The following VWA8 variants were observed in gnomAD, a reference collection of about 807,000 sequenced individuals.
VWA8 encodes the protein von Willebrand factor A domain-containing protein 8.
Under a neutral mutation model 241.5 loss-of-function variants are expected in VWA8, and 221 were observed. That is an observed-to-expected ratio of 0.91 (90% CI 0.82 to 1.02). VWA8 has a LOEUF of 1.02. Among genes scored for constraint, VWA8 ranks in the 50% least tolerant of loss-of-function variants. The pLI is 0.00. For missense variants in VWA8, 2,322 were observed against 2,328.7 expected, an observed-to-expected ratio of 1.00 and a Z score of 0.06; for synonymous variants, 852 against 827.1, an observed-to-expected ratio of 1.03 and a Z score of -0.52.
chr13:41,722,115 T>C (rs758918590), intron 24 of VWA8, among the ~76,000 whole-genome samples: 3 of 152,218 alleles, frequency 2.0e-5, no homozygotes, highest in Non-Finnish European at 4.4e-5. Flanking sequence ...TAAATGCTTC[T>C]TTATGTACTA....
intron 37 of VWA8, among the ~76,000 whole-genome samples, chr13:41,618,571 T>C (rs148193390): frequency 0.033 from 4,961 of 152,296 alleles, 273 homozygotes; most frequent in African/African-American, 0.11. Flanking sequence ...CTGAATGGTA[T>C]TGCCTAGGTT....
intron 37 of VWA8, among the ~76,000 whole-genome samples, chr13:41,645,041 C>T (rs982802162): frequency 6.6e-6 from 1 of 152,172 alleles, no homozygotes; most frequent in African/African-American, 2.4e-5. Context: ...ACATTGGAAC[C>T]AGTTTCCTTG....
intron 1 of VWA8, among the ~76,000 whole-genome samples, chr13:41,952,340 T>C (rs1878173136): frequency 6.6e-6 from 1 of 152,204 alleles, no homozygotes; most frequent in African/African-American, 2.4e-5. Context: ...CAGGTATTGG[T>C]TGACTGGTCA....
At position 41,891,439 on chromosome 13, in the gene VWA8, C is replaced by A. The variant is rs376966830; in HGVS notation, c.632G>T (p.Arg211Leu). 6.2e-7 allele frequency: 1 copy of A among 1,614,056 alleles called. No homozygotes were observed. Among genetic ancestry groups the A allele is most frequent in the Admixed American group, 1.7e-5 (1 of 59,998 alleles). The change falls in exon 5 of 45, where the codon CGT (arginine) becomes CTT (leucine). Residue 211 changes from arginine to leucine, a missense_variant. By Grantham distance (102) the Arg-to-Leu change is moderately radical. Transcript: ENST00000379310. ...TCTTACTCGGAGAAGTTTGTCGTAA[C>A]GCTCAGCAGACATCAGGAAGCGTCC... ...EDGRFLMSAE[R>L]YDKLLRDHTK...
rs138659181 is a variant in VWA8 at position 41,567,564 on chromosome 13, C to T, written c.*633G>A. ...GCCTTTTAAAAGTCACGTGGAAAGG[C>T]AAGCACTCCAAGGATTTTTTGATTC... On this transcript the variant is annotated 3_prime_UTR_variant, in exon 45 of 45. Transcript: ENST00000379310. 1 of 152,276 alleles carries T rather than the reference C, an allele frequency of 6.6e-6. No homozygotes were observed. The highest frequency in any genetic ancestry group is 2.4e-5 in the African/African-American group (1 of 41,554). 9.4% of individuals were successfully genotyped at this position (152,276 alleles called of 1,614,324 possible).
chr13:41,699,478 CT>C (rs976473111), intron 28 of VWA8, among the ~76,000 whole-genome samples: 1 of 152,168 alleles, frequency 6.6e-6, no homozygotes, highest in African/African-American at 2.4e-5. Context: ...CACCTACCTA[CT>C]TGAAAAAATT....
chr13:41,855,479 G>C (rs115313810), intron 12 of VWA8, among the ~76,000 whole-genome samples: 1 of 150,686 alleles, frequency 6.6e-6, no homozygotes, highest in African/African-American at 2.4e-5. Context: ...ATTAAAATGT[G>C]ATAAGGTAGT....
chr13:41,957,929 C>T (rs183763405), intron 1 of VWA8, among the ~76,000 whole-genome samples: 117 of 152,182 alleles, frequency 7.7e-4, no homozygotes, highest in African/African-American at 2.7e-3. Flanking sequence ...TATTTGAATC[C>T]ATTTAACATC....
intron 9 of VWA8, among the ~76,000 whole-genome samples, chr13:41,872,926 T>C (rs1566489411): frequency 6.6e-6 from 1 of 152,200 alleles, no homozygotes; most frequent in Non-Finnish European, 1.5e-5. Context: ...ATATTGATTC[T>C]TCCTACCCAT....
chr13:41,641,847 G>A (rs1315754850), intron 37 of VWA8, among the ~76,000 whole-genome samples: 3 of 151,538 alleles, frequency 2.0e-5, no homozygotes, highest in Admixed American at 1.3e-4. Flanking sequence ...CCTTTCCTTG[G>A]TATGCACGTG....
At chr13:41,822,556 T>C (rs538026044) in intron 14 of VWA8, among the ~76,000 whole-genome samples, 2 of 152,286 alleles carry the variant, frequency 1.3e-5, no homozygotes, top group African/African-American at 4.8e-5. Flanking sequence ...ATGACCATCA[T>C]TGCTATTAAC....
intron 35 of VWA8, among the ~76,000 whole-genome samples, chr13:41,677,523 G>C (rs1290217174): frequency 6.6e-6 from 1 of 152,166 alleles, no homozygotes; most frequent in African/African-American, 2.4e-5. Flanking sequence ...CAGCTGGAGA[G>C]TGATGGAGAT....
At chr13:41,591,627 CA>C (rs370015525) in intron 40 of VWA8, among the ~76,000 whole-genome samples, 108 of 151,564 alleles carry the variant, frequency 7.1e-4, no homozygotes, top group Middle Eastern at 3.4e-3. Context: ...AAGAAAAAAA[CA>C]AACAACCCCA....
At chr13:41,750,897 A>AAC (rs2045651280) in intron 21 of VWA8, among the ~76,000 whole-genome samples, 1 of 152,116 alleles carries the variant, frequency 6.6e-6, no homozygotes, top group Non-Finnish European at 1.5e-5. Context: ...AAAAAAAAAA[A>AAC]AAAACTCAAG....
At chr13:41,585,767 A>C (rs917992061) in intron 42 of VWA8, among the ~76,000 whole-genome samples, 4 of 151,378 alleles carry the variant, frequency 2.6e-5, no homozygotes, top group African/African-American at 4.9e-5. Context: ...AGGAGGCTGA[A>C]GCAGGAGAAT....
chr13:41,676,588 T>C (rs149305886), intron 35 of VWA8, among the ~76,000 whole-genome samples: 1 of 152,278 alleles, frequency 6.6e-6, no homozygotes, highest in African/African-American at 2.4e-5. Context: ...TTATTGCCTA[T>C]TTTATTGTGC....
chr13:41,732,048 C>T, intron 22 of VWA8, 32 bp downstream of exon 22: 1 of 1,582,822 alleles, frequency 6.3e-7, no homozygotes, highest in Non-Finnish European at 8.7e-7. Flanking sequence ...CAAAAATACA[C>T]TTGAAAATAT....
At chr13:41,705,257 T>C (rs2045275508) in intron 26 of VWA8, among the ~76,000 whole-genome samples, 1 of 151,082 alleles carries the variant, frequency 6.6e-6, no homozygotes, top group Non-Finnish European at 1.5e-5. Context: ...ACCCACTTAC[T>C]TCCATCTTTT....
intron 4 of VWA8, among the ~76,000 whole-genome samples, chr13:41,906,945 AAGTC>A (rs1327118632): frequency 1.3e-5 from 2 of 152,166 alleles, no homozygotes; most frequent in Non-Finnish European, 2.9e-5. Flanking sequence ...GTAAATAAGA[AAGTC>A]AAGCATCTTT....
Sources: allele counts gnomAD v4.1 joint callset (sites outside exome capture counted in the v4.1 genomes callset), GRCh38; gene constraint gnomAD v4.1.1; transcripts MANE v1.5; gene names NCBI Gene and HGNC (gene_info 2026-07-23, HGNC 2026-07-21).